The following MAD1L1 variants were observed in gnomAD, a reference collection of about 807,000 sequenced individuals.
MAD1L1 encodes mitotic arrest deficient 1 like 1, also known as mitotic spindle assembly checkpoint protein MAD1.
In MAD1L1, 95 loss-of-function variants were observed where a neutral mutation model predicts 96.9. That is an observed-to-expected ratio of 0.98 (90% CI 0.83 to 1.16). The LOEUF (loss-of-function observed/expected upper bound fraction) is 1.16, where lower values mean the gene tolerates loss of function less well. MAD1L1 is among the 50% of genes most tolerant of loss of function. The pLI is 0.00. For synonymous variants in MAD1L1, 473 were observed against 396.6 expected, an observed-to-expected ratio of 1.19 and a Z score of -2.29; for missense variants, 1,007 against 954.4, an observed-to-expected ratio of 1.06 and a Z score of -0.73.
At chr7:2,003,278 G>A (rs1781887439) in intron 13 of MAD1L1, among the ~76,000 whole-genome samples, 1 of 152,210 alleles carries the variant, frequency 6.6e-6, no homozygotes, top group Non-Finnish European at 1.5e-5. Context: ...GTGTACACAA[G>A]TGTGGGTATG....
At chr7:2,201,862 C>G (rs1379476007) in intron 10 of MAD1L1, 2 of 152,324 alleles carry the variant, frequency 1.3e-5, no homozygotes, top group African/African-American at 4.8e-5. Flanking sequence ...TGGAATGAAG[C>G]CCAAGGGCGG....
chr7:1,844,982 CG>C (rs1214422540), intron 18 of MAD1L1, among the ~76,000 whole-genome samples: 1 of 152,180 alleles, frequency 6.6e-6, no homozygotes, highest in Non-Finnish European at 1.5e-5. Flanking sequence ...GACAGGGGTG[CG>C]GGGAGGAGGG....
intron 18 of MAD1L1, among the ~76,000 whole-genome samples, chr7:1,888,654 G>A (rs752432624): frequency 1.5e-4 from 23 of 151,910 alleles, no homozygotes; most frequent in South Asian, 8.3e-4. Flanking sequence ...GTGTGTGCGC[G>A]CATGTGTGTA....
chr7:2,105,973 TGCCCCTGCCCCTGCCCCACATATGGCCCC>T (rs1478296816), intron 11 of MAD1L1, among the ~76,000 whole-genome samples: 1 of 151,164 alleles, frequency 6.6e-6, no homozygotes, highest in African/African-American at 2.4e-5. Context: ...ACCTCAGCCC[TGCCCCTGCCCCTGCCCCACATATGGCCCC>T]GCCCCTGCCC....
chr7:1,910,275 G>A (rs940688811), intron 17 of MAD1L1, among the ~76,000 whole-genome samples: 1 of 152,302 alleles, frequency 6.6e-6, no homozygotes, highest in Non-Finnish European at 1.5e-5. Context: ...TGGCCCCCGT[G>A]TCAGTGATCC....
chr7:2,054,803 A>C (rs1002508721), intron 12 of MAD1L1, among the ~76,000 whole-genome samples: 1 of 152,204 alleles, frequency 6.6e-6, no homozygotes, highest in Non-Finnish European at 1.5e-5. Context: ...ATGTGCTTTA[A>C]GTATGAACAA....
At chr7:1,864,871 G>A (rs929107994) in intron 18 of MAD1L1, among the ~76,000 whole-genome samples, 3 of 152,172 alleles carry the variant, frequency 2.0e-5, no homozygotes, top group African/African-American at 7.2e-5. Context: ...GAGTGGATGC[G>A]GCCTGAGGAC....
intron 11 of MAD1L1, among the ~76,000 whole-genome samples, chr7:2,123,085 C>A (rs140466956): frequency 2.0e-5 from 3 of 151,744 alleles, no homozygotes; most frequent in African/African-American, 7.3e-5. Flanking sequence ...AGGTGGATCA[C>A]GAGGTCAGGA....
chr7:2,018,378 G>A (rs893199948), intron 12 of MAD1L1, among the ~76,000 whole-genome samples: 1 of 152,234 alleles, frequency 6.6e-6, no homozygotes, highest in African/African-American at 2.4e-5. Context: ...CGGCAGCCAC[G>A]GTGGTCACTT....
In MAD1L1 at chr7:1,970,396, C is replaced by T. The variant is rs546529775; in HGVS notation, c.1505+10057G>A. On this transcript the variant is annotated intron_variant, in intron 15 of 18. Coordinates refer to ENST00000265854, the MANE Select transcript of MAD1L1 (RefSeq NM_001013836.2). ...TTACCCAGGTTGGAGTGCAGTGGCA[C>T]GATCTCGGCTCACTGCAACCTCCAC... Among the ~76,000 whole-genome samples the T allele has an allele frequency of 9.0e-5, 13 of 144,188 alleles. No individual in the cohort carries two copies. The South Asian group carries it at 1.1e-3, about 12-fold the overall frequency. The allele number at this position is 144,188 out of a possible 152,430, so 94.6% of individuals were successfully genotyped here.
chr7:1,973,382 CG>C (rs1780488714), intron 15 of MAD1L1, among the ~76,000 whole-genome samples: 1 of 152,166 alleles, frequency 6.6e-6, no homozygotes, highest in African/African-American at 2.4e-5. Context: ...CTGGTACACG[CG>C]GAGTGCGGAC....
At chr7:2,161,075 T>C (rs1051848578) in intron 10 of MAD1L1, among the ~76,000 whole-genome samples, 2 of 76,006 alleles carry the variant, frequency 2.6e-5, no homozygotes, top group Admixed American at 1.5e-4. Flanking sequence ...CAAGGTTTCC[T>C]ACCCAGAATC....
chr7:1,896,387 G>A lies in MAD1L1; in HGVS notation c.1998+1813C>T, dbSNP rs953046365. On this transcript the variant is annotated intron_variant, in intron 18 of 18. Transcript: ENST00000265854. ...AGGAAGAGCGGCAGGGCCCATGCTC[G>A]AGGGTATGACGGGGATGGACCTGGT... Among the ~76,000 whole-genome samples the A allele has an allele frequency of 3.3e-5, 5 of 152,190 alleles. No homozygotes were observed. In the South Asian group the frequency reaches 6.2e-4, roughly 19 times the overall value.
At chr7:2,214,193 G>C (rs1199836176) in intron 9 of MAD1L1, among the ~76,000 whole-genome samples, 1 of 152,216 alleles carries the variant, frequency 6.6e-6, no homozygotes, top group Non-Finnish European at 1.5e-5. Context: ...GGGAGATGAA[G>C]GAGCTGGCCC....
chr7:2,062,475 T>C (rs1242050225), intron 12 of MAD1L1, among the ~76,000 whole-genome samples: 2 of 151,626 alleles, frequency 1.3e-5, no homozygotes, highest in Non-Finnish European at 1.5e-5. Flanking sequence ...CTCGAGAGGC[T>C]GAGGCAACAG....
intron 11 of MAD1L1, among the ~76,000 whole-genome samples, chr7:2,072,430 C>T (rs1279191797): frequency 6.6e-6 from 1 of 152,204 alleles, no homozygotes; most frequent in African/African-American, 2.4e-5. Flanking sequence ...CTGCCCCCTC[C>T]AGGCGCTCCA....
At chr7:1,838,512 C>T (rs1783053993) in intron 18 of MAD1L1, 3 of 327,244 alleles carry the variant, frequency 9.2e-6, no homozygotes, top group Admixed American at 3.9e-5. Context: ...ACAAATGGAG[C>T]GTCAGCACGT....
intron 10 of MAD1L1, among the ~76,000 whole-genome samples, chr7:2,151,891 C>G (rs778032651): frequency 6.6e-6 from 1 of 152,210 alleles, no homozygotes; most frequent in South Asian, 2.1e-4. Context: ...ATGGGGTCAA[C>G]GCCTCATTCT....
At chr7:1,957,596 C>A (rs369022306) in intron 16 of MAD1L1, 33 bp downstream of exon 16, 11 of 1,602,756 alleles carry the variant, frequency 6.9e-6, no homozygotes, top group South Asian at 1.1e-5. Context: ...GAGGCCCAGG[C>A]AGTGCCTCAC....
Sources: gnomAD v4.1 joint callset for allele counts (sites outside exome capture counted in the v4.1 genomes callset) on GRCh38, gnomAD v4.1.1 for gene constraint, MANE v1.5 for transcripts, NCBI Gene and HGNC (gene_info 2026-07-23, HGNC 2026-07-21) for gene names.